Variants in CAPN1 observed in about 807,000 individuals in gnomAD.
CAPN1 encodes calpain 1, also known as calpain-1 catalytic subunit.
In CAPN1, 77 loss-of-function variants were observed where a neutral mutation model predicts 105.2. The ratio of observed to expected loss-of-function variants is 0.73; its 90% CI spans 0.61 to 0.88. CAPN1 has a LOEUF of 0.88. Among genes scored for constraint, CAPN1 ranks in the 40% least tolerant of loss-of-function variants. The probability of loss-of-function intolerance (pLI) is 0.00; values close to 1 mark genes in which losing one functional copy is unlikely to be tolerated. For missense variants in CAPN1, 833 were observed against 976.6 expected (o/e 0.85, Z 1.96); for synonymous variants, 355 against 388.8 (o/e 0.91, Z 1.02).
At position 65,188,107 on chromosome 11, in the gene CAPN1, C is replaced by T. The variant is rs1467259042; in HGVS notation, c.929+67C>T. 6 of 1,133,812 alleles carry T rather than the reference C, an allele frequency of 5.3e-6. No homozygotes were observed. Among genetic ancestry groups the T allele is most frequent in the East Asian group, 2.6e-5 (1 of 38,902 alleles). 70.2% of individuals were successfully genotyped at this position (1,133,812 alleles called of 1,614,324 possible). A position where few individuals can be genotyped will look rare whatever the true frequency, so the allele number is the denominator to read the frequency against. On this transcript the variant is annotated intron_variant, in intron 8 of 21. Transcript: ENST00000279247. This position sits in a 1 kb window ranked among gnomAD's most constrained non-coding sequence, Gnocchi z 5.5. ...TGTTAGGTGCCCCGACATTTCTGCTCGGGACTCTACCAGGCCAGGCTGGAC... is the reference window on the plus strand; with the variant it reads ...TGTTAGGTGCCCCGACATTTCTGCTTGGGACTCTACCAGGCCAGGCTGGAC...
At chr11:65,183,086 G>A (rs747346683) in intron 2 of CAPN1, 42 bp from the exon 3 acceptor site, 3 of 1,612,478 alleles carry the variant, frequency 1.9e-6, no homozygotes, top group Non-Finnish European at 2.5e-6. Flanking sequence ...GCCAATTTCT[G>A]GGAGGGGCTG....
rs557987603 is a variant in CAPN1, at chr11:65,211,738, G to C, written c.*452G>C. The C allele has an allele frequency of 8.7e-5, 15 of 171,806 alleles. No homozygotes were observed. Among genetic ancestry groups the C allele is most frequent in the Non-Finnish European group, 1.9e-4 (15 of 80,090 alleles). 10.6% of individuals were successfully genotyped at this position (171,806 alleles called of 1,614,324 possible). ...CCGCCTCCCGGCTCGGGGAGGCCCC[G>C]GGGCTGGGAACGCCTGTGCCTTCCT... On this transcript the variant is annotated 3_prime_UTR_variant, in exon 22 of 22. Transcript: ENST00000279247.
intron 10 of CAPN1, among the ~76,000 whole-genome samples, chr11:65,195,100 GTTTTTTT>G (rs60778423): frequency 1.1e-5 from 1 of 90,906 alleles, no homozygotes; most frequent in South Asian, 4.2e-4. Flanking sequence ...GTTTTTTGGG[GTTTTTTT>G]TTTTTTTTTT....
chr11:65,205,849 G>A (rs1021348285), intron 12 of CAPN1, 128 bp downstream of exon 12: 1 of 851,172 alleles, frequency 1.2e-6, no homozygotes, highest in African/African-American at 1.7e-5. Context: ...CTTGAAAAAT[G>A]CTTCTCCCCA....
chr11:65,183,321 G>C, intron 3 of CAPN1, 124 bp downstream of exon 3: 1 of 1,169,056 alleles, frequency 8.6e-7, no homozygotes, highest in South Asian at 1.3e-5. Flanking sequence ...TATCAGCGCT[G>C]GGGCTGGTTT....
chr11:65,183,648 T>C lies in CAPN1; in HGVS notation c.456+56T>C, dbSNP rs528852232. ...AGGCACTGGGGGAGATGCGGAAGGA[T>C]GACCCACAATACCTGCAGTTAGGGC... On this transcript the variant is annotated intron_variant, in intron 4 of 21. Coordinates refer to ENST00000279247, the MANE Select transcript of CAPN1 (RefSeq NM_005186.4). 38 of 1,218,412 alleles carry C rather than the reference T, an allele frequency of 3.1e-5. No individual in the cohort carries two copies. The East Asian group carries it at 8.9e-4, about 29-fold the overall frequency. The allele number at this position is 1,218,412 out of a possible 1,614,324, so 75.5% of individuals were successfully genotyped here.
At chr11:65,190,777 A>C (rs374981064) in intron 10 of CAPN1, among the ~76,000 whole-genome samples, 6 of 148,962 alleles carry the variant, frequency 4.0e-5, no homozygotes, top group Non-Finnish European at 7.4e-5. Context: ...CAGTGGCGCG[A>C]TCTCGGCTCA....
rs1948682506 is a variant in CAPN1 at position 65,188,954 on chromosome 11, T to C, written c.1165+208T>C. ...TTGGGGCCTGAGCCCAGGGTGCTCA[T>C]GAGGGGCAAAGATCTTGTGGCCATC... On this transcript the variant is annotated intron_variant, in intron 10 of 21. Transcript: ENST00000279247. This position sits in a 1 kb window ranked among gnomAD's most constrained non-coding sequence, Gnocchi z 5.5. 6.6e-6 allele frequency among the ~76,000 whole-genome samples: 1 copy of C among 152,138 alleles called. No homozygotes were observed. The highest frequency in any genetic ancestry group is 1.5e-5 in the Non-Finnish European group (1 of 68,022).
In CAPN1 at chr11:65,210,252, C is replaced by A; in HGVS notation, c.1943-84C>A. 1.7e-6 allele frequency: 2 copies of A among 1,173,686 alleles called. No individual in the cohort carries two copies. The highest frequency in any genetic ancestry group is 2.5e-6 in the Non-Finnish European group (2 of 797,308). The allele number at this position is 1,173,686 out of a possible 1,614,324, so 72.7% of individuals were successfully genotyped here. A position where few individuals can be genotyped will look rare whatever the true frequency, so the allele number is the denominator to read the frequency against. On this transcript the variant is annotated intron_variant, in intron 19 of 21. Transcript: ENST00000279247. The surrounding 1 kb of genome is among the most constrained non-coding windows in gnomAD (Gnocchi z 4.3). The stretch of plus-strand genomic sequence containing the variant: ...TTACTAGCACCCTGCCTAGCCCCAG[C>A]CCCCTCCTGGGGACCCAACCCCTCC...
Position 65,211,370 on chromosome 11 carries a change from C to T in CAPN1, c.*84C>T. ...CTCCTACCACACCACACCAGGCCAC[C>T]CCAGCTGCAAGTGCCTTCCTTGGAG... On this transcript the variant is annotated 3_prime_UTR_variant, in exon 22 of 22. Coordinates refer to ENST00000279247, the MANE Select transcript of CAPN1 (RefSeq NM_005186.4). The T allele has an allele frequency of 2.9e-6, 4 of 1,384,614 alleles. No homozygotes were observed. Among genetic ancestry groups the T allele is most frequent in the Non-Finnish European group, 4.0e-6 (4 of 988,256 alleles). The allele number at this position is 1,384,614 out of a possible 1,614,324, so 85.8% of individuals were successfully genotyped here.
At position 65,208,909 on chromosome 11, in the gene CAPN1, G is replaced by A; in HGVS notation, c.1730-414G>A. ...GCTTCACTCCCCAGGGCAGACAACT[G>A]CTGGCCTCTCATCCCCTCCCCTCCC... On this transcript the variant is annotated intron_variant, in intron 16 of 21. Coordinates refer to ENST00000279247, the MANE Select transcript of CAPN1 (RefSeq NM_005186.4). The surrounding 1 kb of genome is among the most constrained non-coding windows in gnomAD (Gnocchi z 4.1). 1 of 262,032 alleles carries A rather than the reference G, an allele frequency of 3.8e-6. No individual in the cohort carries two copies. The highest frequency in any genetic ancestry group is 4.6e-5 in the South Asian group (1 of 21,676). The allele number at this position is 262,032 out of a possible 1,614,324, so 16.2% of individuals were successfully genotyped here.
rs1370430001 is a variant in CAPN1 at position 65,209,904 on chromosome 11, T to A, written c.1850T>A (p.Ile617Asn). 29 of 1,613,566 alleles carry A rather than the reference T, an allele frequency of 1.8e-5. No homozygotes were observed. Among genetic ancestry groups the A allele is most frequent in the Non-Finnish European group, 2.5e-5 (29 of 1,179,876 alleles). Residue 617 changes from isoleucine to asparagine, a missense_variant, in exon 18 of 22, where the codon ATC becomes AAC. Physicochemically the swap from Ile to Asn is moderately radical, Grantham distance 149. Transcript: ENST00000279247. The surrounding 1 kb of genome is among the most constrained non-coding windows in gnomAD (Gnocchi z 4.1). Reference sequence around the variant, plus strand: ...GAGTTCAACATCCTGTGGAACCGCATCCGGAATTACCTGGTAGGTTGTCCC... The same window carrying A: ...GAGTTCAACATCCTGTGGAACCGCAACCGGAATTACCTGGTAGGTTGTCCC... Reference protein sequence around the residue: ...LVEFNILWNRIRNYLSIFRKF... With the variant: ...LVEFNILWNRNRNYLSIFRKF...
At chr11:65,183,333 C>A in intron 3 of CAPN1, 136 bp downstream of exon 3, 1 of 1,135,148 alleles carries the variant, frequency 8.8e-7, no homozygotes, top group Non-Finnish European at 1.3e-6. Context: ...GGCTGGTTTG[C>A]CCAGATTCCT....
At chr11:65,182,557 A>G (rs2137304469) in intron 1 of CAPN1, 144 bp from the exon 2 acceptor site, 2 of 846,540 alleles carry the variant, frequency 2.4e-6, no homozygotes. Context: ...TGAGAACCCT[A>G]CTTCTGTGAG....
Position 65,208,458 on chromosome 11 carries a change from G to T in CAPN1, c.1729+196G>T. On this transcript the variant is annotated intron_variant, in intron 16 of 21. Coordinates refer to ENST00000279247, the MANE Select transcript of CAPN1 (RefSeq NM_005186.4). The surrounding 1 kb of genome is among the most constrained non-coding windows in gnomAD (Gnocchi z 4.1). ...GACCTGCCATCCTGATAATCCCTGT[G>T]CTCGGGTGCTGTGCCTTTGTGGGAT... The T allele has an allele frequency of 3.1e-6, 2 of 637,710 alleles. No homozygotes were observed. Among genetic ancestry groups the T allele is most frequent in the Non-Finnish European group, 5.6e-6 (2 of 355,962 alleles). 39.5% of individuals were successfully genotyped at this position (637,710 alleles called of 1,614,324 possible).
intron 11 of CAPN1, among the ~76,000 whole-genome samples, chr11:65,205,232 AG>A (rs1320003316): frequency 6.6e-6 from 1 of 152,152 alleles, no homozygotes; most frequent in African/African-American, 2.4e-5. Flanking sequence ...GGGGATAGGG[AG>A]GGCCTGTCGG....
chr11:65,206,377 G>T, intron 12 of CAPN1, 86 bp from the exon 13 acceptor site: 1 of 1,035,382 alleles, frequency 9.7e-7, no homozygotes, highest in East Asian at 2.4e-5. Flanking sequence ...GCCAGGACAA[G>T]GAGCCTGGAG....
rs781461235 is a variant in CAPN1 at position 65,204,882 on chromosome 11, G to A, written c.1341+24G>A. 2.5e-6 allele frequency: 4 copies of A among 1,588,762 alleles called. No homozygotes were observed. The East Asian group carries it at 9.0e-5, about 36-fold the overall frequency. ...AGGTCAGGAGGGTGGATCACCGGTG[G>A]ATCTCACTGAGCAGGCAGAGGACCT... On this transcript the variant is annotated intron_variant, in intron 11 of 21. Coordinates refer to ENST00000279247, the MANE Select transcript of CAPN1 (RefSeq NM_005186.4).
chr11:65,206,254 C>G (rs1021212596), intron 12 of CAPN1: 23 of 597,840 alleles, frequency 3.8e-5, no homozygotes, highest in Non-Finnish European at 6.6e-5. Context: ...TCTCCTCTAC[C>G]CTCTGCAGTG....
Sources: gnomAD v4.1 joint callset for allele counts (sites outside exome capture counted in the v4.1 genomes callset) on GRCh38, gnomAD v4.1.1 for gene constraint, Gnocchi (gnomAD v3.1) non-coding constraint, MANE v1.5 for transcripts, NCBI Gene and HGNC (gene_info 2026-07-23, HGNC 2026-07-21) for gene names.